Variants in TNS1 observed in about 807,000 individuals in gnomAD.
TNS1 encodes the protein tensin 1.
A neutral mutation model predicts 168.6 loss-of-function variants in TNS1; 62 were observed. That is an observed-to-expected ratio of 0.37 (90% CI 0.30 to 0.45). TNS1 has a LOEUF of 0.45. Among genes scored for constraint, TNS1 ranks in the 20% least tolerant of loss-of-function variants. The pLI, the probability that TNS1 is intolerant of heterozygous loss-of-function variation, is 1.00. For synonymous variants in TNS1, 934 were observed against 933.2 expected (o/e 1.00, Z -0.02); for missense variants, 2,240 against 2,339.4 (o/e 0.96, Z 0.88).
intron 24 of TNS1, among the ~76,000 whole-genome samples, chr2:217,815,981 A>T (rs1040712296): frequency 6.6e-6 from 1 of 152,098 alleles, no homozygotes; most frequent in African/African-American, 2.4e-5. Flanking sequence ...CAGCACCCCC[A>T]CACACACCCA....
At chr2:217,851,082 A>G (rs781755988) in intron 18 of TNS1, among the ~76,000 whole-genome samples, 1 of 152,014 alleles carries the variant, frequency 6.6e-6, no homozygotes, top group South Asian at 2.1e-4. Context: ...TCCTTCAAAC[A>G]GTATGTAATT....
upstream of TNS1, among the ~76,000 whole-genome samples, chr2:218,007,575 G>GT (rs1276074886): frequency 7.6e-6 from 1 of 131,030 alleles, no homozygotes; most frequent in Non-Finnish European, 1.6e-5. Flanking sequence ...GTGGGGGGGG[G>GT]GGTTCAGCCA....
intron 18 of TNS1, among the ~76,000 whole-genome samples, chr2:217,855,810 G>A (rs1948067416): frequency 1.3e-5 from 2 of 152,300 alleles, no homozygotes; most frequent in Admixed American, 6.5e-5. Flanking sequence ...AAAAATCAGG[G>A]GTTCTAGGTG....
chr2:217,890,920 T>A, intron 12 of TNS1, 42 bp downstream of exon 12: 1 of 1,594,708 alleles, frequency 6.3e-7, no homozygotes, highest in Middle Eastern at 1.7e-4. Context: ...ATAGAGTGAG[T>A]GCACACATAC....
At chr2:218,005,466 C>T (rs1958649699), upstream of TNS1, among the ~76,000 whole-genome samples, 1 of 152,236 alleles carries the variant, frequency 6.6e-6, no homozygotes, top group Admixed American at 6.5e-5. Context: ...GTATATTAAT[C>T]GCTTATCATC....
At chr2:217,890,691 G>C in intron 12 of TNS1, 1 of 525,062 alleles carries the variant, frequency 1.9e-6, no homozygotes, top group South Asian at 2.3e-5. Flanking sequence ...CTTATCCCCA[G>C]ACTCATGCTT....
intron 2 of TNS1, among the ~76,000 whole-genome samples, chr2:217,985,952 T>C (rs1230628371): frequency 2.6e-5 from 4 of 152,154 alleles, no homozygotes; most frequent in Non-Finnish European, 5.9e-5. Flanking sequence ...CTTGGATTCA[T>C]CTCTTTCTTA....
intron 3 of TNS1, among the ~76,000 whole-genome samples, chr2:217,974,420 A>C (rs927904913): frequency 6.6e-6 from 1 of 152,146 alleles, no homozygotes; most frequent in Admixed American, 6.6e-5. Context: ...AGAAAGGAAG[A>C]CTTGTTTCTC....
chr2:218,026,434 A>G (rs1188910435), intron 1 of TNS1, among the ~76,000 whole-genome samples: 1 of 152,186 alleles, frequency 6.6e-6, no homozygotes, highest in Non-Finnish European at 1.5e-5. Context: ...CACGAGAGTG[A>G]CAGAAGGAGA....
intron 2 of TNS1, 144 bp downstream of exon 2, chr2:217,990,798 C>A: frequency 2.7e-6 from 1 of 374,574 alleles, no homozygotes; most frequent in Non-Finnish European, 4.9e-6. Context: ...CCAGTGAGCT[C>A]AGCATCCTCC....
chr2:217,906,274 A>ATC, intron 6 of TNS1, 61 bp downstream of exon 6: 2 of 388,350 alleles, frequency 5.1e-6, no homozygotes, highest in East Asian at 4.5e-5. Flanking sequence ...CTCCCACCCC[A>ATC]CCCCATTCCC....
chr2:217,874,619 A>T (rs1047603799), intron 18 of TNS1, among the ~76,000 whole-genome samples: 2 of 152,194 alleles, frequency 1.3e-5, no homozygotes, highest in Non-Finnish European at 2.9e-5. Context: ...CAGAGAGTAG[A>T]GGGGCAAGGG....
At chr2:218,003,081 C>T (rs547700522), upstream of TNS1, 5 of 385,802 alleles carry the variant, frequency 1.3e-5, no homozygotes, top group South Asian at 9.3e-5. Flanking sequence ...AGCCTCCTCT[C>T]TCCTCCCTCC....
chr2:217,901,257 G>A (rs902405293), intron 6 of TNS1, among the ~76,000 whole-genome samples: 3 of 152,148 alleles, frequency 2.0e-5, no homozygotes, highest in African/African-American at 4.8e-5. Context: ...GATCCTGCTG[G>A]GCAGCCCTGC....
In TNS1 at chr2:217,829,852, A is replaced by G. The variant is rs753038633; in HGVS notation, c.3373+1603T>C. On this transcript the variant is annotated intron_variant, in intron 22 of 32. Coordinates refer to ENST00000682258, the MANE Select transcript of TNS1 (RefSeq NM_001387777.1). ...CAGCAAATGCTACTTACCTTCTGAC[A>G]GCCTGACCACCACCTTCCCCTCATC... is the stretch of plus-strand genomic sequence containing the variant. 5.0e-6 allele frequency: 8 copies of G among 1,614,178 alleles called. No homozygotes were observed. The East Asian group carries it at 1.6e-4, about 31-fold the overall frequency.
At chr2:217,946,995 A>ACT in intron 3 of TNS1, among the ~76,000 whole-genome samples, 1 of 150,324 alleles carries the variant, frequency 6.7e-6, no homozygotes, top group South Asian at 2.1e-4. Context: ...ACACACACAC[A>ACT]GTAAAAACTG....
intron 29 of TNS1, 52 bp from the exon 30 acceptor site, chr2:217,810,043 C>T: frequency 1.3e-6 from 2 of 1,579,584 alleles, no homozygotes; most frequent in Non-Finnish European, 1.7e-6. Context: ...TGGGTGAGGA[C>T]ATTAACCCAG....
At chr2:217,911,371 G>A (rs756518059) in intron 4 of TNS1, among the ~76,000 whole-genome samples, 8 of 152,178 alleles carry the variant, frequency 5.3e-5, no homozygotes, top group African/African-American at 7.2e-5. Context: ...GGACTAGGGC[G>A]AATGTTGGGG....
At chr2:217,809,228 GATGGATGGATGGATGGATGGATGC>G (rs1939946181) in intron 30 of TNS1, among the ~76,000 whole-genome samples, 1 of 73,606 alleles carries the variant, frequency 1.4e-5, no homozygotes. Context: ...TGGATGGATG[GATGGATGGATGGATGGATGGATGC>G]ATGGATGGAT....
Sources: allele counts gnomAD v4.1 joint callset (sites outside exome capture counted in the v4.1 genomes callset), GRCh38; gene constraint gnomAD v4.1.1; transcripts MANE v1.5; gene names NCBI Gene and HGNC (gene_info 2026-07-23, HGNC 2026-07-21).